AGBL1: variants seen among roughly 807,000 people sequenced by gnomAD.
AGBL1 encodes AGBL carboxypeptidase 1.
A neutral mutation model predicts 118.9 loss-of-function variants in AGBL1; 130 were observed. The ratio of observed to expected loss-of-function variants is 1.09; its 90% CI spans 0.95 to 1.26. The LOEUF (loss-of-function observed/expected upper bound fraction) is 1.26, where lower values mean the gene tolerates loss of function less well. Ranked by LOEUF, AGBL1 falls within the 50% of genes most tolerant of loss-of-function variation. The pLI is 0.00. For missense variants in AGBL1, 1,584 were observed against 1,298.1 expected, an observed-to-expected ratio of 1.22 and a Z score of -3.38; for synonymous variants, 555 against 478.9, an observed-to-expected ratio of 1.16 and a Z score of -2.08.
intron 22 of AGBL1, among the ~76,000 whole-genome samples, chr15:86,706,218 G>A (rs117950314): frequency 0.016 from 2,452 of 151,940 alleles, 27 homozygotes; most frequent in Middle Eastern, 0.024. Context: ...ATAAAATATC[G>A]TTTTTAACCT....
At chr15:86,883,621 G>A (rs566107896) in intron 22 of AGBL1, among the ~76,000 whole-genome samples, 1 of 152,190 alleles carries the variant, frequency 6.6e-6, no homozygotes, top group African/African-American at 2.4e-5. Flanking sequence ...TGATCTCCAA[G>A]CCCATCTCGC....
At chr15:86,782,291 T>C (rs1407382955) in intron 22 of AGBL1, among the ~76,000 whole-genome samples, 2 of 152,158 alleles carry the variant, frequency 1.3e-5, no homozygotes, top group Non-Finnish European at 2.9e-5. Flanking sequence ...AGTACTATTT[T>C]CCATATATAA....
chr15:86,337,962 G>A (rs1038119628), intron 17 of AGBL1, among the ~76,000 whole-genome samples: 13 of 152,164 alleles, frequency 8.5e-5, no homozygotes, highest in Admixed American at 7.9e-4. Context: ...TCTGGTATAT[G>A]CCAGACACTT....
intron 21 of AGBL1, among the ~76,000 whole-genome samples, chr15:86,555,284 G>T (rs577715365): frequency 6.6e-6 from 1 of 152,058 alleles, no homozygotes. Context: ...ACTGCTCCTC[G>T]GTGACTTCCA....
chr15:86,763,976 A>T (rs888712782), intron 22 of AGBL1, among the ~76,000 whole-genome samples: 3 of 152,060 alleles, frequency 2.0e-5, no homozygotes, highest in Admixed American at 6.6e-5. Flanking sequence ...GGATGGAAAA[A>T]TGAAATGAAG....
Position 87,016,211 on chromosome 15 carries a change from T to A in AGBL1, c.3324-12614T>A, listed in dbSNP as rs143150629. ...AGGAGAATCTGACCCACTGATCCACTAGGACTGATATAAGGCCCAGGAATT... is the reference window on the plus strand; with the variant it reads ...AGGAGAATCTGACCCACTGATCCACAAGGACTGATATAAGGCCCAGGAATT... On this transcript the variant is annotated intron_variant, in intron 24 of 24. Coordinates refer to the AGBL1 transcript ENST00000441037. Among the ~76,000 whole-genome samples the A allele has an allele frequency of 2.6e-5, 4 of 152,246 alleles. No individual in the cohort carries two copies. The East Asian group carries it at 7.8e-4, about 30-fold the overall frequency.
At chr15:86,230,325 A>T (rs1304727729) in intron 6 of AGBL1, among the ~76,000 whole-genome samples, 1 of 152,342 alleles carries the variant, frequency 6.6e-6, no homozygotes, top group East Asian at 1.9e-4. Flanking sequence ...AATGTCAAAG[A>T]AGGGGCCATC....
intron 6 of AGBL1, among the ~76,000 whole-genome samples, chr15:86,229,269 A>C (rs993676791): frequency 6.6e-6 from 1 of 152,112 alleles, no homozygotes; most frequent in South Asian, 2.1e-4. Context: ...GGTTTAATTG[A>C]CTCAGTTTTG....
intron 17 of AGBL1, among the ~76,000 whole-genome samples, chr15:86,352,116 C>A (rs1476616433): frequency 6.6e-6 from 1 of 152,108 alleles, no homozygotes; most frequent in Non-Finnish European, 1.5e-5. Flanking sequence ...CTAGGCTGGC[C>A]AGTAGCAAGA....
intron 23 of AGBL1, among the ~76,000 whole-genome samples, chr15:86,951,933 G>A (rs4268718): frequency 0.76 from 116,128 of 152,038 alleles, 44,600 homozygotes; most frequent in South Asian, 0.9. Context: ...TTTGTCTGCT[G>A]TTAATATAGT....
At chr15:86,192,705 C>T (rs2077742601) in intron 5 of AGBL1, among the ~76,000 whole-genome samples, 1 of 152,056 alleles carries the variant, frequency 6.6e-6, no homozygotes, top group South Asian at 2.1e-4. Flanking sequence ...ACCATAGTGC[C>T]TGTTCATGAA....
At chr15:86,151,591 A>C (rs2077112140) in intron 3 of AGBL1, among the ~76,000 whole-genome samples, 1 of 152,224 alleles carries the variant, frequency 6.6e-6, no homozygotes, top group South Asian at 2.1e-4. Context: ...AAAAAACTGG[A>C]AACATTCCCT....
intron 5 of AGBL1, among the ~76,000 whole-genome samples, chr15:86,196,712 T>C (rs2077808728): frequency 6.6e-6 from 1 of 152,194 alleles, no homozygotes; most frequent in South Asian, 2.1e-4. Context: ...TAACCCCCAA[T>C]GTTACTGTAT....
chr15:86,444,069 C>A (rs1211410168), intron 18 of AGBL1, among the ~76,000 whole-genome samples: 1 of 152,142 alleles, frequency 6.6e-6, no homozygotes, highest in Non-Finnish European at 1.5e-5. Flanking sequence ...ACATTCCCAC[C>A]AACAGTGTAC....
intron 5 of AGBL1, among the ~76,000 whole-genome samples, chr15:86,198,664 C>G (rs189309594): frequency 1.3e-5 from 2 of 149,602 alleles, no homozygotes; most frequent in East Asian, 3.9e-4. Context: ...GGAAGATTTT[C>G]TCTCTCTCTC....
Position 86,542,577 on chromosome 15 carries a change from A to T in AGBL1, c.2686-3425A>T, listed in dbSNP as rs144062376. Among the ~76,000 whole-genome samples, 385 of 152,204 alleles carry T rather than the reference A, an allele frequency of 2.5e-3. 10 individuals carry two copies. In the East Asian group the frequency reaches 0.051, roughly 20 times the overall value. Reference sequence around the variant, plus strand: ...GAGACAGGGTTTCACCATGTTGGCCAGGCTGGTCTCGAACTCCTGACCTCA... The same window carrying T: ...GAGACAGGGTTTCACCATGTTGGCCTGGCTGGTCTCGAACTCCTGACCTCA... On this transcript the variant is annotated intron_variant, in intron 19 of 22. Coordinates refer to ENST00000614907, the MANE Select transcript of AGBL1 (RefSeq NM_001386094.1).
At chr15:86,918,392 G>C (rs147855299), downstream of AGBL1, among the ~76,000 whole-genome samples, 2 of 152,214 alleles carry the variant, frequency 1.3e-5, no homozygotes, top group African/African-American at 2.4e-5. Context: ...AAAAGGAAAT[G>C]TTCCTAGTGG....
chr15:86,460,357 G>A (rs6496339), intron 18 of AGBL1, among the ~76,000 whole-genome samples: 99,275 of 143,972 alleles, frequency 0.69, 35,610 homozygotes, highest in African/African-American at 0.85. Flanking sequence ...ATAGCCAGGC[G>A]TGGTGATAGG....
chr15:86,184,967 G>C (rs1407575317), intron 5 of AGBL1, among the ~76,000 whole-genome samples: 4 of 152,154 alleles, frequency 2.6e-5, no homozygotes, highest in Non-Finnish European at 5.9e-5. Context: ...CCATCAGAGT[G>C]AACAGGCAAC....
Sources: gnomAD v4.1 joint callset for allele counts (sites outside exome capture counted in the v4.1 genomes callset) on GRCh38, gnomAD v4.1.1 for gene constraint, MANE v1.5 for transcripts, NCBI Gene and HGNC (gene_info 2026-07-23, HGNC 2026-07-21) for gene names.